The following CTNNA1 variants were observed in gnomAD, a reference collection of about 807,000 sequenced individuals.
CTNNA1 encodes the protein catenin alpha 1, also known as catenin alpha-1.
CTNNA1 carries 37 observed loss-of-function variants against 98.4 expected under a neutral mutation model. That is an observed-to-expected ratio of 0.38 (90% CI 0.29 to 0.49). The LOEUF (loss-of-function observed/expected upper bound fraction) is 0.49. CTNNA1 is among the 20% of genes least tolerant of loss of function. The pLI is 0.95. For missense variants in CTNNA1, 761 were observed against 1,147.2 expected, an observed-to-expected ratio of 0.66 and a Z score of 4.86; for synonymous variants, 404 against 413.2, an observed-to-expected ratio of 0.98 and a Z score of 0.27.
chr5:138,847,532 T>C (rs149746062), intron 7 of CTNNA1, among the ~76,000 whole-genome samples: 134 of 152,350 alleles, frequency 8.8e-4, no homozygotes, highest in African/African-American at 3.2e-3. Context: ...TTTTTATTGT[T>C]GCTTTATTCG....
At chr5:138,837,108 A>C (rs1314572581) in intron 7 of CTNNA1, among the ~76,000 whole-genome samples, 1 of 152,164 alleles carries the variant, frequency 6.6e-6, no homozygotes, top group Non-Finnish European at 1.5e-5. Flanking sequence ...ATTCAGGACT[A>C]GTTTGGCTAA....
In CTNNA1 at chr5:138,874,901, G is replaced by GAC; in HGVS notation, c.1063-11310_1063-11309dup. ...AATGTACAAGACATATAAATGCACA[G>GAC]ACTTACCCATTCTTCTGAGCACATT... On this transcript the variant is annotated intron_variant, in intron 7 of 17. Coordinates refer to ENST00000302763, the MANE Select transcript of CTNNA1 (RefSeq NM_001903.5). This position sits in a 1 kb window ranked among gnomAD's most constrained non-coding sequence, Gnocchi z 4.1. 6.2e-7 allele frequency: 1 copy of GAC among 1,612,986 alleles called. No individual in the cohort carries two copies. Among genetic ancestry groups the GAC allele is most frequent in the Non-Finnish European group, 8.5e-7 (1 of 1,179,246 alleles).
intron 7 of CTNNA1, among the ~76,000 whole-genome samples, chr5:138,843,546 C>G (rs2149823394): frequency 6.6e-6 from 1 of 152,180 alleles, no homozygotes; most frequent in South Asian, 2.1e-4. Context: ...CAATTAGATT[C>G]TCTTGGGGAT....
chr5:138,858,497 G>A (rs1408748183), intron 7 of CTNNA1, among the ~76,000 whole-genome samples: 2 of 151,616 alleles, frequency 1.3e-5, no homozygotes, highest in African/African-American at 2.4e-5. Context: ...GGTGAATTTC[G>A]ATAAAGGCAC....
At chr5:138,835,713 T>C (rs1761711791) in intron 7 of CTNNA1, among the ~76,000 whole-genome samples, 1 of 152,218 alleles carries the variant, frequency 6.6e-6, no homozygotes, top group Admixed American at 6.5e-5. Flanking sequence ...ATTACTACAG[T>C]GAAGCCATTT....
chr5:138,853,951 A>G (rs539000313), intron 7 of CTNNA1, among the ~76,000 whole-genome samples: 2 of 152,306 alleles, frequency 1.3e-5, no homozygotes, highest in African/African-American at 4.8e-5. Flanking sequence ...CACATAGACC[A>G]TTTTAATTGT....
intron 10 of CTNNA1, among the ~76,000 whole-genome samples, chr5:138,907,097 C>G (rs980550897): frequency 6.6e-6 from 1 of 152,230 alleles, no homozygotes; most frequent in Non-Finnish European, 1.5e-5. Flanking sequence ...TCTCTGCTCA[C>G]TGCAGCCTCT....
chr5:138,791,607 CT>C (rs1756370165), intron 3 of CTNNA1, among the ~76,000 whole-genome samples: 2 of 101,496 alleles, frequency 2.0e-5, no homozygotes, highest in South Asian at 3.3e-4. Context: ...CAGAGCAAGA[CT>C]CCGTCTCAAA....
chr5:138,818,075 C>T (rs891909914), intron 5 of CTNNA1, among the ~76,000 whole-genome samples: 1 of 151,758 alleles, frequency 6.6e-6, no homozygotes, highest in African/African-American at 2.4e-5. Flanking sequence ...TGCATCTGGG[C>T]CTAGATTTTA....
In CTNNA1 at chr5:138,812,177, T is replaced by TTA. The variant is rs1283433441; in HGVS notation, c.469-3_469-2dup. The TTA allele has an allele frequency of 1.6e-5, 26 of 1,610,864 alleles. No individual in the cohort carries two copies. Among genetic ancestry groups the TTA allele is most frequent in the Non-Finnish European group, 2.1e-5 (25 of 1,179,050 alleles). On this transcript the variant is annotated splice_region_variant and splice_polypyrimidine_tract_variant and intron_variant, in intron 4 of 17. Transcript: ENST00000302763. ...TTTGGGTTTTGGGGTCTTTCTTATT[T>TTA]TATAGGTGGAAGATGGTATCTTGAA...
chr5:138,820,421 G>A (rs929859196), intron 5 of CTNNA1, among the ~76,000 whole-genome samples: 1 of 152,148 alleles, frequency 6.6e-6, no homozygotes, highest in Non-Finnish European at 1.5e-5. Flanking sequence ...ACAGCAATGT[G>A]GATTCTAGGC....
At chr5:138,888,790 TTGGCCTCCCAAAGTG>T (rs1243987601) in intron 9 of CTNNA1, among the ~76,000 whole-genome samples, 2 of 152,084 alleles carry the variant, frequency 1.3e-5, no homozygotes, top group Non-Finnish European at 2.9e-5. Flanking sequence ...TCTACCCGCC[TTGGCCTCCCAAAGTG>T]CTAGGATTAT....
rs77850770 is a variant in CTNNA1 at position 138,894,797 on chromosome 5, T to G, written c.1296+7155T>G. ...ACCATGGCCCCTAAGTTTCCCTGCCTACAACTGCCTTTCGTCCTGTGTCTC... is the reference window on the plus strand; with the variant it reads ...ACCATGGCCCCTAAGTTTCCCTGCCGACAACTGCCTTTCGTCCTGTGTCTC... On this transcript the variant is annotated intron_variant, in intron 9 of 17. Coordinates refer to ENST00000302763, the MANE Select transcript of CTNNA1 (RefSeq NM_001903.5). Among the ~76,000 whole-genome samples, 4 of 152,288 alleles carry G rather than the reference T, an allele frequency of 2.6e-5. No homozygotes were observed. The East Asian group carries it at 7.7e-4, about 29-fold the overall frequency.
At chr5:138,797,909 G>A (rs1757145991) in intron 3 of CTNNA1, among the ~76,000 whole-genome samples, 1 of 151,172 alleles carries the variant, frequency 6.6e-6, no homozygotes, top group South Asian at 2.1e-4. Context: ...AAAAAAAGCA[G>A]TTGGAAAAAC....
intron 9 of CTNNA1, among the ~76,000 whole-genome samples, chr5:138,889,211 C>T (rs1324648590): frequency 6.6e-6 from 1 of 152,104 alleles, no homozygotes; most frequent in Non-Finnish European, 1.5e-5. Context: ...GCCTTGGGTA[C>T]CAGTGTGGTG....
chr5:138,874,188 G>A lies in CTNNA1; in HGVS notation c.1063-12024G>A, dbSNP rs750634206. 6.2e-7 allele frequency: 1 copy of A among 1,613,938 alleles called. No individual in the cohort carries two copies. Among genetic ancestry groups the A allele is most frequent in the Non-Finnish European group, 8.5e-7 (1 of 1,179,868 alleles). ...ATCAGTTGGGTAAAAGTTGTGTTTG[G>A]CAAGTAAAATATTTTGTTGGAACTT... is the stretch of plus-strand genomic sequence containing the variant. On this transcript the variant is annotated intron_variant, in intron 7 of 17. Coordinates refer to ENST00000302763, the MANE Select transcript of CTNNA1 (RefSeq NM_001903.5). The surrounding 1 kb of genome is among the most constrained non-coding windows in gnomAD (Gnocchi z 4.1).
intron 4 of CTNNA1, among the ~76,000 whole-genome samples, chr5:138,810,942 G>T (rs1391310461): frequency 1.4e-5 from 2 of 141,782 alleles, no homozygotes; most frequent in South Asian, 2.1e-4. Context: ...CCTCCCTCCC[G>T]GACGGGGCAG....
chr5:138,892,289 AAG>A (rs1490086080), intron 9 of CTNNA1, among the ~76,000 whole-genome samples: 4 of 151,778 alleles, frequency 2.6e-5, no homozygotes, highest in Non-Finnish European at 4.4e-5. Context: ...GATATAGAAA[AAG>A]AATATAAAAT....
chr5:138,898,210 T>C (rs1344937322), intron 9 of CTNNA1, among the ~76,000 whole-genome samples: 1 of 134,830 alleles, frequency 7.4e-6, no homozygotes, highest in Non-Finnish European at 1.5e-5. Flanking sequence ...ATATGTCTGC[T>C]CCCACCTTTG....
Sources: allele counts gnomAD v4.1 joint callset (sites outside exome capture counted in the v4.1 genomes callset), GRCh38; gene constraint gnomAD v4.1.1; non-coding constraint Gnocchi (gnomAD v3.1); transcripts MANE v1.5; gene names NCBI Gene and HGNC (gene_info 2026-07-23, HGNC 2026-07-21).